Variants in DACH2 observed in about 807,000 individuals in gnomAD.
The protein encoded by DACH2 is dachshund homolog 2.
In DACH2, 17 loss-of-function variants were observed where a neutral mutation model predicts 35.8. The observed-to-expected ratio is 0.48, with a 90% CI of 0.33 to 0.71. The LOEUF (loss-of-function observed/expected upper bound fraction) is 0.71, where lower values mean the gene tolerates loss of function less well. DACH2 is among the 30% of genes least tolerant of loss of function. The pLI, the probability that DACH2 is intolerant of heterozygous loss-of-function variation, is 0.02. For missense variants in DACH2, 469 were observed against 472.7 expected (o/e 0.99, Z 0.07); for synonymous variants, 195 against 177.3 (o/e 1.10, Z -0.79).
At chrX:86,788,957 C>T (rs1225220738) in intron 7 of DACH2, among the ~76,000 whole-genome samples, 1 of 111,542 alleles carries the variant, frequency 9.0e-6, no homozygotes, top group Non-Finnish European at 1.9e-5. Flanking sequence ...CTGATTTGTC[C>T]TTACTTATAC....
At chrX:86,421,089 C>T (rs1324194738) in intron 2 of DACH2, among the ~76,000 whole-genome samples, 1 of 111,604 alleles carries the variant, frequency 9.0e-6, no homozygotes. Flanking sequence ...TGCACAAAAG[C>T]ACACAATACT....
chrX:86,359,992 T>G (rs1346091381), intron 1 of DACH2, among the ~76,000 whole-genome samples: 10 of 109,541 alleles, frequency 9.1e-5, no homozygotes, highest in Non-Finnish European at 1.9e-5. Flanking sequence ...TAGCTATCCC[T>G]CACCTCAGCC....
At chrX:86,695,561 A>G (rs1433125167) in intron 5 of DACH2, among the ~76,000 whole-genome samples, 3 of 105,649 alleles carry the variant, frequency 2.8e-5, no homozygotes, top group Non-Finnish European at 5.8e-5. Context: ...CCCAGGCTGG[A>G]GTGCAATGGC....
intron 1 of DACH2, among the ~76,000 whole-genome samples, chrX:86,279,651 A>G (rs2033986801): frequency 9.1e-6 from 1 of 110,445 alleles, no homozygotes; most frequent in Non-Finnish European, 1.9e-5. Context: ...AGGGAACAAA[A>G]CTGGACAGAT....
chrX:86,345,910 A>G (rs760079677), intron 1 of DACH2, among the ~76,000 whole-genome samples: 8 of 112,406 alleles, frequency 7.1e-5, no homozygotes, highest in African/African-American at 9.7e-5. Context: ...TACATTTTTT[A>G]TATTGCATGA....
chrX:86,186,675 T>C (rs769951002), intron 1 of DACH2, among the ~76,000 whole-genome samples: 8 of 111,669 alleles, frequency 7.2e-5, no homozygotes, highest in Admixed American at 9.6e-5. Flanking sequence ...ATGCTGTGAA[T>C]TCAAGGAGAA....
chrX:86,466,608 G>C (rs5923533), intron 2 of DACH2, among the ~76,000 whole-genome samples: 24,397 of 111,165 alleles, frequency 0.22, 2,353 homozygotes, highest in Middle Eastern at 0.39. Flanking sequence ...CCACCTATGA[G>C]CCTGTAAAAT....
chrX:86,368,717 C>T (rs1050451721), intron 1 of DACH2, among the ~76,000 whole-genome samples: 4 of 109,585 alleles, frequency 3.7e-5, no homozygotes, highest in African/African-American at 1.3e-4. Flanking sequence ...CATGTGCCAC[C>T]ATGCTCAGCT....
intron 1 of DACH2, among the ~76,000 whole-genome samples, chrX:86,359,648 C>G (rs1272390538): frequency 9.0e-6 from 1 of 110,854 alleles, no homozygotes; most frequent in East Asian, 2.9e-4. Flanking sequence ...ACTTGGGAGG[C>G]TAAGGGGAGA....
At chrX:86,254,657 TA>T (rs1485080967) in intron 1 of DACH2, among the ~76,000 whole-genome samples, 1 of 64,599 alleles carries the variant, frequency 1.5e-5, no homozygotes, top group Non-Finnish European at 2.6e-5. Flanking sequence ...CTTGTCTACT[TA>T]TTTTTTTTTT....
chrX:86,555,506 T>G (rs746073406), intron 3 of DACH2, among the ~76,000 whole-genome samples: 2 of 111,644 alleles, frequency 1.8e-5, no homozygotes, highest in Non-Finnish European at 3.8e-5. Flanking sequence ...ATTTATATCT[T>G]GGAGAGGAAA....
chrX:86,152,593 T>C (rs1378805416), intron 1 of DACH2, among the ~76,000 whole-genome samples: 1 of 111,830 alleles, frequency 8.9e-6, no homozygotes, highest in Non-Finnish European at 1.9e-5. Context: ...GCTAGAGAGG[T>C]AGTAAGATTA....
At chrX:86,441,127 A>G (rs913684173) in intron 2 of DACH2, among the ~76,000 whole-genome samples, 1 of 111,767 alleles carries the variant, frequency 8.9e-6, no homozygotes, top group African/African-American at 3.2e-5. Context: ...TGATACAGGC[A>G]TATAGTGTAT....
At chrX:86,701,496 GGAA>G (rs775366016) in intron 5 of DACH2, among the ~76,000 whole-genome samples, 157 of 111,653 alleles carry the variant, frequency 1.4e-3, no homozygotes, top group African/African-American at 4.7e-3. Context: ...ACATAGTACT[GGAA>G]GTCCTGGCCA....
intron 3 of DACH2, among the ~76,000 whole-genome samples, chrX:86,583,354 C>T (rs1313817082): frequency 9.1e-6 from 1 of 109,896 alleles, no homozygotes; most frequent in Non-Finnish European, 1.9e-5. Flanking sequence ...ACTGGAATTC[C>T]TATCTAGAGC....
intron 4 of DACH2, among the ~76,000 whole-genome samples, chrX:86,655,438 G>T (rs1426699487): frequency 8.9e-6 from 1 of 111,791 alleles, no homozygotes; most frequent in African/African-American, 3.2e-5. Context: ...TTTCAATTTT[G>T]TTGTAAAGAA....
chrX:86,648,343 C>T (rs2040438607), intron 3 of DACH2, among the ~76,000 whole-genome samples: 1 of 111,046 alleles, frequency 9.0e-6, no homozygotes, highest in Non-Finnish European at 1.9e-5. Flanking sequence ...AACTAAGTAA[C>T]TCCTGAATCA....
At chrX:86,225,275 C>A (rs749230611) in intron 1 of DACH2, among the ~76,000 whole-genome samples, 1 of 111,230 alleles carries the variant, frequency 9.0e-6, no homozygotes, top group African/African-American at 3.3e-5. Context: ...TGTTTCAATT[C>A]AAATTCATAA....
At chrX:86,649,126 T>C (rs2040449237) in intron 3 of DACH2, among the ~76,000 whole-genome samples, 1 of 110,905 alleles carries the variant, frequency 9.0e-6, no homozygotes, top group African/African-American at 3.3e-5. Context: ...TTCTAAATCT[T>C]TTGTACGAAT....
Sources: gnomAD v4.1 joint callset for allele counts (sites outside exome capture counted in the v4.1 genomes callset) on GRCh38, gnomAD v4.1.1 for gene constraint, MANE v1.5 for transcripts, NCBI Gene and HGNC (gene_info 2026-07-23, HGNC 2026-07-21) for gene names.